The following NUP37 variants were observed in gnomAD, a reference collection of about 807,000 sequenced individuals.
The protein encoded by NUP37 is nucleoporin Nup37.
Under a neutral mutation model 45.4 loss-of-function variants are expected in NUP37, and 33 were observed. That is an observed-to-expected ratio of 0.73 (90% CI 0.55 to 0.97). NUP37 has a LOEUF of 0.97. Among genes scored for constraint, NUP37 ranks in the 50% least tolerant of loss-of-function variants. NUP37 has a pLI of 0.00. For missense variants in NUP37, 365 were observed against 389.7 expected (o/e 0.94, Z 0.53); for synonymous variants, 127 against 130.7 (o/e 0.97, Z 0.19).
At chr12:102,092,504 AT>A (rs1248751707) in intron 5 of NUP37, among the ~76,000 whole-genome samples, 2 of 152,182 alleles carry the variant, frequency 1.3e-5, no homozygotes, top group African/African-American at 4.8e-5. Context: ...CAAAACTAGG[AT>A]TTTCTCTTAG....
In NUP37 at chr12:102,103,671, A is replaced by G. The variant is rs192991338; in HGVS notation, c.282-2567T>C. 3.9e-5 allele frequency among the ~76,000 whole-genome samples: 6 copies of G among 152,336 alleles called. No individual in the cohort carries two copies. In the East Asian group the frequency reaches 1.2e-3, roughly 29 times the overall value. The stretch of plus-strand genomic sequence containing the variant: ...CAAGAGTACATTAAAAAGATCATTC[A>G]CCATGATCAAGTGGGACTTATCTCT... On this transcript the variant is annotated intron_variant, in intron 3 of 9. Coordinates refer to ENST00000552283, the MANE Select transcript of NUP37 (RefSeq NM_024057.4).
intron 5 of NUP37, among the ~76,000 whole-genome samples, chr12:102,097,952 A>C (rs1221183339): frequency 1.3e-5 from 2 of 152,212 alleles, no homozygotes; most frequent in Non-Finnish European, 2.9e-5. Flanking sequence ...TATATTAAGA[A>C]GATTAAAAAT....
At chr12:102,092,558 T>C (rs1879685847) in intron 5 of NUP37, among the ~76,000 whole-genome samples, 1 of 152,138 alleles carries the variant, frequency 6.6e-6, no homozygotes, top group Non-Finnish European at 1.5e-5. Context: ...TATAGATGAT[T>C]CAAAGAAGGG....
At chr12:102,096,378 G>A (rs1035026538) in intron 5 of NUP37, among the ~76,000 whole-genome samples, 6 of 151,964 alleles carry the variant, frequency 3.9e-5, no homozygotes, top group African/African-American at 9.7e-5. Context: ...TTCACAGTAC[G>A]ACTCTTTATT....
intron 2 of NUP37, among the ~76,000 whole-genome samples, chr12:102,113,756 T>C (rs1880382400): frequency 6.6e-6 from 1 of 152,200 alleles, no homozygotes. Context: ...GAAATACGTA[T>C]GTCTATATTG....
intron 6 of NUP37, among the ~76,000 whole-genome samples, chr12:102,083,870 G>A (rs972129625): frequency 2.0e-5 from 3 of 152,200 alleles, no homozygotes; most frequent in Admixed American, 1.3e-4. Context: ...AAAAGGCCAC[G>A]GGATGTGTTG....
intron 5 of NUP37, among the ~76,000 whole-genome samples, chr12:102,092,694 A>T (rs978291449): frequency 2.0e-5 from 3 of 152,150 alleles, no homozygotes; most frequent in African/African-American, 2.4e-5. Context: ...GGAACCATGT[A>T]ACTGAAAGCC....
chr12:102,114,842 G>T (rs1286253289), intron 2 of NUP37, among the ~76,000 whole-genome samples: 1 of 152,164 alleles, frequency 6.6e-6, no homozygotes, highest in Non-Finnish European at 1.5e-5. Flanking sequence ...TCAATTGGGG[G>T]ATAGCTCTAA....
chr12:102,107,310 G>A (rs116831441), intron 3 of NUP37, among the ~76,000 whole-genome samples: 1 of 152,246 alleles, frequency 6.6e-6, no homozygotes, highest in African/African-American at 2.4e-5. Flanking sequence ...CCCAAGTTTT[G>A]ATATCAGAAC....
intron 6 of NUP37, among the ~76,000 whole-genome samples, chr12:102,085,162 G>A (rs1389836051): frequency 6.6e-6 from 1 of 152,146 alleles, no homozygotes; most frequent in Non-Finnish European, 1.5e-5. Flanking sequence ...GTTCATGCCT[G>A]TAGTCCCAGC....
chr12:102,108,320 T>C (rs1880215364), intron 3 of NUP37, among the ~76,000 whole-genome samples: 1 of 152,164 alleles, frequency 6.6e-6, no homozygotes, highest in African/African-American at 2.4e-5. Flanking sequence ...GGATGCTTCC[T>C]GCCATTGAAC....
Position 102,112,627 on chromosome 12 carries a change from G to A in NUP37, c.157-395C>T, listed in dbSNP as rs1594401441. The stretch of plus-strand genomic sequence containing the variant: ...GACTGGGCAACACAGTGAGACCTGT[G>A]TCTACGTTATAAAAAAAGAAAACAA... On this transcript the variant is annotated intron_variant, in intron 2 of 9. Coordinates refer to ENST00000552283, the MANE Select transcript of NUP37 (RefSeq NM_024057.4). 2.0e-5 allele frequency among the ~76,000 whole-genome samples: 3 copies of A among 152,012 alleles called. No individual in the cohort carries two copies. The East Asian group carries it at 5.8e-4, about 29-fold the overall frequency.
At chr12:102,076,762 A>T in intron 8 of NUP37, 35 bp downstream of exon 8, 1 of 1,597,844 alleles carries the variant, frequency 6.3e-7, no homozygotes, top group Non-Finnish European at 8.6e-7. Flanking sequence ...ACGTCAAAAG[A>T]TCAAATCACA....
chr12:102,100,484 T>C (rs531538798), intron 4 of NUP37, among the ~76,000 whole-genome samples: 3 of 152,338 alleles, frequency 2.0e-5, no homozygotes, highest in African/African-American at 7.2e-5. Context: ...ATTTGCTCAG[T>C]CAATGCTCAT....
At chr12:102,096,221 G>A (rs921577473) in intron 5 of NUP37, among the ~76,000 whole-genome samples, 7 of 151,996 alleles carry the variant, frequency 4.6e-5, no homozygotes, top group African/African-American at 1.2e-4. Context: ...AGGCAGTGTT[G>A]GAACTGATAA....
Position 102,106,292 on chromosome 12 carries a change from G to A in NUP37, c.282-5188C>T, listed in dbSNP as rs369409112. On this transcript the variant is annotated intron_variant, in intron 3 of 9. Transcript: ENST00000552283. The stretch of plus-strand genomic sequence containing the variant: ...GTGGTGGTTTGTTATGGCAACAGTG[G>A]GAAATAAAGACGCCATCATAAATAG... Among the ~76,000 whole-genome samples, 14 of 152,242 alleles carry A rather than the reference G, an allele frequency of 9.2e-5. No individual in the cohort carries two copies. In the South Asian group the frequency reaches 2.9e-3, roughly 32 times the overall value.
rs770155748 is a variant in NUP37, at chr12:102,085,843, C to T, written c.463G>A (p.Glu155Lys). ...DDHTCRIWNL[E>K]GVQTAHFVLH... The stretch of plus-strand genomic sequence containing the variant: ...ACAAAATGAGCTGTTTGCACTCCTT[C>T]CAAGTTCCAAATCCTAATAAAAGAA... Residue 155 changes from glutamate to lysine, a missense_variant, in exon 6 of 10, where the codon GAA (glutamate) becomes AAA (lysine). Glu to Lys is a moderately conservative substitution (Grantham distance 56, BLOSUM62 1). Coordinates refer to ENST00000552283, the MANE Select transcript of NUP37 (RefSeq NM_024057.4). The T allele has an allele frequency of 1.3e-6, 2 of 1,569,982 alleles. No individual in the cohort carries two copies. The highest frequency in any genetic ancestry group is 1.4e-5 in the African/African-American group (1 of 73,922).
chr12:102,101,368 G>A (rs1183726451), intron 3 of NUP37, among the ~76,000 whole-genome samples: 1 of 152,298 alleles, frequency 6.6e-6, no homozygotes, highest in South Asian at 2.1e-4. Context: ...AGTAATAAAA[G>A]TGTAGAATTT....
intron 6 of NUP37, among the ~76,000 whole-genome samples, chr12:102,080,036 T>TATAC (rs1024463768): frequency 1.3e-5 from 2 of 152,134 alleles, no homozygotes; most frequent in African/African-American, 2.4e-5. Context: ...AGATCTACTG[T>TATAC]ATACATACAT....
Sources: allele counts gnomAD v4.1 joint callset (sites outside exome capture counted in the v4.1 genomes callset), GRCh38; gene constraint gnomAD v4.1.1; transcripts MANE v1.5; gene names NCBI Gene and HGNC (gene_info 2026-07-23, HGNC 2026-07-21).